C12orf42: variants seen among roughly 807,000 people sequenced by gnomAD.
C12orf42 encodes the protein uncharacterized protein C12orf42.
A neutral mutation model predicts 21.6 loss-of-function variants in C12orf42; 25 were observed. That is an observed-to-expected ratio of 1.16 (90% CI 0.84 to 1.62). The LOEUF is 1.62. Among genes scored for constraint, C12orf42 ranks in the 40% most tolerant of loss-of-function variants. The pLI, the probability that C12orf42 is intolerant of heterozygous loss-of-function variation, is 0.00. For synonymous variants in C12orf42, 174 were observed against 175.0 expected, an observed-to-expected ratio of 0.99 and a Z score of 0.05; for missense variants, 483 against 459.3, an observed-to-expected ratio of 1.05 and a Z score of -0.47.
intron 2 of C12orf42, among the ~76,000 whole-genome samples, chr12:103,438,328 TC>T (rs1950911951): frequency 6.6e-6 from 1 of 152,090 alleles, no homozygotes; most frequent in African/African-American, 2.4e-5. Context: ...CTGGAAGCAT[TC>T]CCTTTGAAAA....
rs141510597 is a variant in C12orf42, at chr12:103,391,055, T to C, written c.147+10552A>G. On this transcript the variant is annotated intron_variant, in intron 3 of 5. Transcript: ENST00000548883. ...ACTGCATATTAGTGGAAGTACATAA[T>C]ATTTGCTCTTTCGTGTCTGGTTTAT... 3.7e-3 allele frequency among the ~76,000 whole-genome samples: 558 copies of C among 152,340 alleles called. 6 individuals are homozygous for C. The highest frequency in any genetic ancestry group is 0.013 in the African/African-American group (522 of 41,574).
chr12:103,240,610 C>T (rs916587829), intron 10 of C12orf42, among the ~76,000 whole-genome samples: 2 of 152,072 alleles, frequency 1.3e-5, no homozygotes, highest in Non-Finnish European at 2.9e-5. Context: ...TTATTTAATG[C>T]CAGAACCGCT....
chr12:103,217,780 T>G, the C12orf42 span, among the ~76,000 whole-genome samples: 5 of 152,128 alleles, frequency 3.3e-5, no homozygotes, highest in African/African-American at 1.2e-4. Flanking sequence ...TATATATATT[T>G]GCTCACAGCC....
intron 10 of C12orf42, among the ~76,000 whole-genome samples, chr12:103,240,952 C>A (rs2033708650): frequency 6.6e-6 from 1 of 152,066 alleles, no homozygotes; most frequent in African/African-American, 2.4e-5. Flanking sequence ...GTTGATGAAA[C>A]AAATTGCTCA....
intron 3 of C12orf42, among the ~76,000 whole-genome samples, chr12:103,371,517 G>A (rs1456946662): frequency 6.6e-6 from 1 of 152,076 alleles, no homozygotes; most frequent in Non-Finnish European, 1.5e-5. Context: ...TTGATATTGA[G>A]TAAAGTCTTT....
rs145677235 is a variant in C12orf42, at chr12:103,293,934, T to C, written n.338-16724A>G. Among the ~76,000 whole-genome samples, 260 of 152,284 alleles carry C rather than the reference T, an allele frequency of 1.7e-3. 1 individual carries two copies. The highest frequency in any genetic ancestry group is 6.2e-3 in the African/African-American group (257 of 41,572). On this transcript the variant is annotated intron_variant and non_coding_transcript_variant, in intron 4 of 6. Coordinates refer to the C12orf42 transcript ENST00000546526. ...ACCTAAATATCATTGTGTCATTATT[T>C]CATGTTTCACTATCTAGGTCTCACT...
chr12:103,366,659 T>A lies in C12orf42; in HGVS notation c.259+2228A>T, dbSNP rs553607789. On this transcript the variant is annotated intron_variant, in intron 4 of 5. Coordinates refer to ENST00000548883, the MANE Select transcript of C12orf42 (RefSeq NM_198521.5). ...TCAAGAAGTGGGCTAGGGACATGAA[T>A]AGACAATTCTCAAAAGATATACAAA... is the stretch of plus-strand genomic sequence containing the variant. 1.5e-4 allele frequency among the ~76,000 whole-genome samples: 23 copies of A among 151,982 alleles called. 1 individual carries two copies. The South Asian group carries it at 4.1e-3, about 27-fold the overall frequency.
At chr12:103,113,773 A>G in the C12orf42 span, among the ~76,000 whole-genome samples, 8 of 152,186 alleles carry the variant, frequency 5.3e-5, no homozygotes, top group African/African-American at 1.9e-4. Flanking sequence ...TTCTAAGTGG[A>G]AATAATTTGC....
At chr12:103,424,038 T>C (rs769830068) in intron 2 of C12orf42, among the ~76,000 whole-genome samples, 8 of 152,286 alleles carry the variant, frequency 5.3e-5, no homozygotes, top group Non-Finnish European at 1.2e-4. Context: ...TGGATGACAT[T>C]TGGGCCATTT....
chr12:103,337,860 C>G (rs2041844214), intron 4 of C12orf42, among the ~76,000 whole-genome samples: 2 of 152,150 alleles, frequency 1.3e-5, no homozygotes, highest in African/African-American at 2.4e-5. Context: ...CTCCACTTAC[C>G]CACTTTTTTT....
At chr12:103,487,140 T>C (rs1324646025) in intron 1 of C12orf42, among the ~76,000 whole-genome samples, 7 of 152,222 alleles carry the variant, frequency 4.6e-5, no homozygotes, top group Admixed American at 2.0e-4. Context: ...GTCCCAGAGA[T>C]TCTGGTATGT....
chr12:103,123,409 T>C, the C12orf42 span, among the ~76,000 whole-genome samples: 1 of 152,142 alleles, frequency 6.6e-6, no homozygotes, highest in Admixed American at 6.5e-5. Context: ...ATCTCATGCA[T>C]GGTTGTCCCC....
At chr12:103,528,835 TCA>T in the C12orf42 span, among the ~76,000 whole-genome samples, 1 of 152,234 alleles carries the variant, frequency 6.6e-6, no homozygotes, top group African/African-American at 2.4e-5. Flanking sequence ...CTGGATGCTT[TCA>T]CAGACATTCT....
intron 3 of C12orf42, among the ~76,000 whole-genome samples, chr12:103,394,928 T>C (rs1228134612): frequency 2.6e-5 from 4 of 152,168 alleles, no homozygotes; most frequent in African/African-American, 4.8e-5. Flanking sequence ...GAACAGCAAC[T>C]AAACACAGCA....
At chr12:103,491,862 T>A (rs1955205836) in intron 1 of C12orf42, among the ~76,000 whole-genome samples, 2 of 152,220 alleles carry the variant, frequency 1.3e-5, no homozygotes, top group Admixed American at 1.3e-4. Context: ...TAGGCCTTAT[T>A]CTATGAGCCA....
chr12:103,506,301 C>T, the C12orf42 span: 2 of 120,030 alleles, frequency 1.7e-5, no homozygotes, highest in African/African-American at 6.1e-5. Context: ...CCCACGCCAT[C>T]CCACCACCCC....
At chr12:103,130,965 G>A in the C12orf42 span, among the ~76,000 whole-genome samples, 11 of 152,290 alleles carry the variant, frequency 7.2e-5, no homozygotes, top group African/African-American at 1.7e-4. Context: ...ACCCTTGCCC[G>A]TGTACCACAC....
At chr12:103,238,546 G>A (rs541256357) in intron 10 of C12orf42, among the ~76,000 whole-genome samples, 2 of 152,316 alleles carry the variant, frequency 1.3e-5, no homozygotes, top group South Asian at 4.1e-4. Context: ...GATATAATCT[G>A]AGGAGTGTAG....
At chr12:103,430,743 G>C (rs1399904779) in intron 2 of C12orf42, among the ~76,000 whole-genome samples, 1 of 152,196 alleles carries the variant, frequency 6.6e-6, no homozygotes, top group African/African-American at 2.4e-5. Flanking sequence ...ACTGGATAAA[G>C]AAAATGTGGT....
Sources: allele counts gnomAD v4.1 joint callset (sites outside exome capture counted in the v4.1 genomes callset), GRCh38; gene constraint gnomAD v4.1.1; transcripts MANE v1.5; gene names NCBI Gene and HGNC (gene_info 2026-07-23, HGNC 2026-07-21).